The following TENM4 variants were observed in gnomAD, a reference collection of about 807,000 sequenced individuals.
TENM4 encodes the protein teneurin transmembrane protein 4, also known as teneurin-4.
A neutral mutation model predicts 243.3 loss-of-function variants in TENM4; 82 were observed. The ratio of observed to expected loss-of-function variants is 0.34; its 90% confidence interval spans 0.28 to 0.40. The LOEUF (loss-of-function observed/expected upper bound fraction) is 0.40. TENM4 is among the 10% of genes least tolerant of loss of function. TENM4 has a pLI of 1.00. For synonymous variants in TENM4, 1,412 were observed against 1,456.3 expected (o/e 0.97, Z 0.69); for missense variants, 3,138 against 3,673.3 (o/e 0.85, Z 3.77).
intron 26 of TENM4, among the ~76,000 whole-genome samples, chr11:78,710,103 A>G (rs1458468382): frequency 5.9e-5 from 9 of 152,254 alleles, no homozygotes; most frequent in Non-Finnish European, 1.0e-4. Flanking sequence ...TGGGGAAGGC[A>G]GTGGAAGAAG....
chr11:79,109,586 C>G (rs1358630035), intron 4 of TENM4, among the ~76,000 whole-genome samples: 1 of 152,180 alleles, frequency 6.6e-6, no homozygotes, highest in Non-Finnish European at 1.5e-5. Context: ...CCAGCCCACG[C>G]AAGCGAGCCA....
intron 4 of TENM4, among the ~76,000 whole-genome samples, chr11:79,130,927 A>G (rs1213749777): frequency 6.6e-6 from 1 of 152,212 alleles, no homozygotes; most frequent in African/African-American, 2.4e-5. Context: ...TAGAAGAAAG[A>G]AATTCAGAGC....
In TENM4 at chr11:78,659,374, TA is replaced by T. The variant is rs1487604951; in HGVS notation, c.7552-559del. Reference sequence around the variant, plus strand: ...TGTCACTGGCTCACAGTCATACAACTAATAACAAGTCAACCTGCAAGCCCAG... The same window carrying T: ...TGTCACTGGCTCACAGTCATACAACTATAACAAGTCAACCTGCAAGCCCAG... On this transcript the variant is annotated intron_variant, in intron 33 of 33. Transcript: ENST00000278550. 5.9e-5 allele frequency among the ~76,000 whole-genome samples: 9 copies of T among 152,280 alleles called. No homozygotes were observed. In the East Asian group the frequency reaches 1.7e-3, roughly 29 times the overall value.
At chr11:79,017,622 A>G (rs940609234) in intron 6 of TENM4, among the ~76,000 whole-genome samples, 2 of 152,190 alleles carry the variant, frequency 1.3e-5, no homozygotes, top group Admixed American at 1.3e-4. Context: ...GTAACTACAT[A>G]GCACTTTATG....
intron 4 of TENM4, among the ~76,000 whole-genome samples, chr11:79,081,119 G>C (rs933909130): frequency 6.6e-6 from 1 of 152,210 alleles, no homozygotes; most frequent in Non-Finnish European, 1.5e-5. Flanking sequence ...TAACACAAAG[G>C]CCTCCTCAGC....
intron 4 of TENM4, among the ~76,000 whole-genome samples, chr11:79,084,865 C>T (rs1565196982): frequency 1.3e-5 from 2 of 152,136 alleles, no homozygotes; most frequent in East Asian, 3.9e-4. Context: ...CACACACACT[C>T]ATTCAGATAA....
At chr11:79,163,218 T>C (rs774655646) in intron 3 of TENM4, among the ~76,000 whole-genome samples, 44 of 152,146 alleles carry the variant, frequency 2.9e-4, no homozygotes, top group Non-Finnish European at 5.0e-4. Context: ...AAGGGACATT[T>C]GTTGAGCATT....
chr11:79,204,840 T>A (rs1033092109), intron 3 of TENM4, among the ~76,000 whole-genome samples: 1 of 151,994 alleles, frequency 6.6e-6, no homozygotes, highest in African/African-American at 2.4e-5. Context: ...AACAACCAAG[T>A]CCAGCAACAA....
At chr11:78,907,733 A>G (rs941427549) in intron 6 of TENM4, among the ~76,000 whole-genome samples, 3 of 152,212 alleles carry the variant, frequency 2.0e-5, no homozygotes, top group Non-Finnish European at 2.9e-5. Context: ...TGTCGGGGAA[A>G]GAACAACAAC....
At chr11:78,864,042 G>C (rs984048452) in intron 9 of TENM4, among the ~76,000 whole-genome samples, 3 of 152,128 alleles carry the variant, frequency 2.0e-5, no homozygotes, top group African/African-American at 7.2e-5. Flanking sequence ...GGAAAGATAA[G>C]TATAACATGC....
At chr11:79,362,222 T>C (rs183501493) in intron 1 of TENM4, among the ~76,000 whole-genome samples, 27 of 152,340 alleles carry the variant, frequency 1.8e-4, no homozygotes, top group African/African-American at 6.3e-4. Flanking sequence ...GTGTAACTGC[T>C]GAGTTTTGCA....
intron 2 of TENM4, among the ~76,000 whole-genome samples, chr11:79,286,490 T>TA (rs1255865165): frequency 1.1e-5 from 1 of 93,178 alleles, no homozygotes; most frequent in Non-Finnish European, 2.1e-5. Context: ...CCGTCTCTAC[T>TA]AAAAAATCCA....
chr11:79,142,484 G>A (rs886115998), intron 4 of TENM4, among the ~76,000 whole-genome samples: 2 of 151,970 alleles, frequency 1.3e-5, no homozygotes, highest in African/African-American at 4.8e-5. Flanking sequence ...AATTGAAGAG[G>A]ACACCAAAAA....
chr11:78,986,488 G>C (rs1857921396), intron 6 of TENM4, among the ~76,000 whole-genome samples: 1 of 152,174 alleles, frequency 6.6e-6, no homozygotes, highest in Non-Finnish European at 1.5e-5. Context: ...CTGACCCCTG[G>C]CATAGTAGTT....
chr11:78,814,441 C>T (rs1565390617), intron 12 of TENM4, 46 bp from the exon 13 acceptor site: 8 of 1,505,030 alleles, frequency 5.3e-6, no homozygotes, highest in Non-Finnish European at 7.2e-6. Flanking sequence ...ATTTCCTTAC[C>T]CAAACAGAGA....
intron 3 of TENM4, among the ~76,000 whole-genome samples, chr11:79,209,249 C>G (rs924132559): frequency 6.6e-6 from 1 of 152,182 alleles, no homozygotes; most frequent in African/African-American, 2.4e-5. Context: ...TTTGGAAGAG[C>G]AGCAACATCC....
At chr11:78,803,426 A>C (rs1857324010) in intron 15 of TENM4, among the ~76,000 whole-genome samples, 1 of 152,192 alleles carries the variant, frequency 6.6e-6, no homozygotes, top group South Asian at 2.1e-4. Context: ...CTTGCCCAAA[A>C]TTATAATTAG....
At chr11:78,898,958 T>C (rs1024428658) in intron 7 of TENM4, among the ~76,000 whole-genome samples, 2 of 152,178 alleles carry the variant, frequency 1.3e-5, no homozygotes, top group African/African-American at 2.4e-5. Flanking sequence ...TCAGACATTA[T>C]CTTAATATGT....
rs181462950 is a variant in TENM4, at chr11:78,713,716, G to A, written c.3822-1002C>T. ...TGCAAAGTAGCATAGTGTAGTAGAT[G>A]CTCAATAATAATTATTATTTTAATT... On this transcript the variant is annotated intron_variant, in intron 25 of 33. Coordinates refer to ENST00000278550, the MANE Select transcript of TENM4 (RefSeq NM_001098816.3). Among the ~76,000 whole-genome samples, 149 of 152,320 alleles carry A rather than the reference G, an allele frequency of 9.8e-4. 3 individuals carry two copies. Among genetic ancestry groups the A allele is most frequent in the Admixed American group, 9.1e-3 (140 of 15,302 alleles).
Sources: gnomAD v4.1 joint callset for allele counts (sites outside exome capture counted in the v4.1 genomes callset) on GRCh38, gnomAD v4.1.1 for gene constraint, MANE v1.5 for transcripts, NCBI Gene and HGNC (gene_info 2026-07-23, HGNC 2026-07-21) for gene names.